UCK2: variants seen among roughly 807,000 people sequenced by gnomAD.
UCK2 encodes cytidine monophosphokinase 2.
UCK2 carries 6 observed loss-of-function variants against 30.8 expected under a neutral mutation model. The ratio of observed to expected loss-of-function variants is 0.19; its 90% CI spans 0.11 to 0.38. The LOEUF (loss-of-function observed/expected upper bound fraction) is 0.38, where lower values mean the gene tolerates loss of function less well. Ranked by LOEUF, UCK2 falls within the 10% of genes least tolerant of loss-of-function variation. UCK2 has a pLI of 1.00. For missense variants in UCK2, 210 were observed against 339.8 expected (o/e 0.62, Z 3.00); for synonymous variants, 125 against 133.6 (o/e 0.94, Z 0.45).
chr1:165,885,930 A>G (rs1655603141), intron 1 of UCK2, among the ~76,000 whole-genome samples: 1 of 152,226 alleles, frequency 6.6e-6, no homozygotes, highest in African/African-American at 2.4e-5. Context: ...AAAATTTACC[A>G]TCGTAACCGT....
At chr1:165,851,952 A>G (rs1419894121) in intron 1 of UCK2, among the ~76,000 whole-genome samples, 1 of 152,196 alleles carries the variant, frequency 6.6e-6, no homozygotes, top group Non-Finnish European at 1.5e-5. Context: ...CATGGAGTAT[A>G]TGTACTACAT....
intron 1 of UCK2, among the ~76,000 whole-genome samples, chr1:165,870,313 C>T (rs2101870229): frequency 6.6e-6 from 1 of 150,884 alleles, no homozygotes; most frequent in African/African-American, 2.4e-5. Context: ...GTTTTTGAGC[C>T]TCAGTGTCTG....
At chr1:165,866,220 T>G (rs1245616641) in intron 1 of UCK2, among the ~76,000 whole-genome samples, 1 of 152,216 alleles carries the variant, frequency 6.6e-6, no homozygotes, top group Non-Finnish European at 1.5e-5. Flanking sequence ...TGCAAGCTAT[T>G]GATTTTTTTT....
At chr1:165,881,462 G>A (rs1343825753) in intron 1 of UCK2, among the ~76,000 whole-genome samples, 1 of 152,146 alleles carries the variant, frequency 6.6e-6, no homozygotes, top group Non-Finnish European at 1.5e-5. Context: ...TTACTCTACT[G>A]TGTGGTGGCG....
intron 5 of UCK2, among the ~76,000 whole-genome samples, chr1:165,905,299 A>G (rs1459097470): frequency 6.6e-6 from 1 of 152,154 alleles, no homozygotes; most frequent in Non-Finnish European, 1.5e-5. Context: ...CCTGGGCAAC[A>G]TGGCGATACC....
chr1:165,844,828 G>T (rs1219473468), intron 1 of UCK2, among the ~76,000 whole-genome samples: 1 of 152,154 alleles, frequency 6.6e-6, no homozygotes, highest in Non-Finnish European at 1.5e-5. Context: ...TTCCTGGAGG[G>T]TGACTGCCTC....
intron 1 of UCK2, among the ~76,000 whole-genome samples, chr1:165,831,287 G>A (rs1282293809): frequency 6.6e-6 from 1 of 152,154 alleles, no homozygotes; most frequent in Admixed American, 6.5e-5. Context: ...AGGAGGCTGA[G>A]GCAGGAGGAT....
At position 165,908,982 on chromosome 1, in the gene UCK2, A is replaced by T. The variant is rs1445766503; in HGVS notation, c.*1159A>T. Reference sequence around the variant, plus strand: ...GATTCTCACTAGCAGCGTCATGGCCAGGATGCTTTACTTATTTGCAATACC... The same window carrying T: ...GATTCTCACTAGCAGCGTCATGGCCTGGATGCTTTACTTATTTGCAATACC... On this transcript the variant is annotated 3_prime_UTR_variant, in exon 7 of 7. Coordinates refer to ENST00000367879, the MANE Select transcript of UCK2 (RefSeq NM_012474.5). The T allele has an allele frequency of 1.3e-5, 2 of 152,240 alleles. No homozygotes were observed. The highest frequency in any genetic ancestry group is 2.9e-5 in the Non-Finnish European group (2 of 68,044). The allele number at this position is 152,240 out of a possible 1,614,324, so 9.4% of individuals were successfully genotyped here. A position where few individuals can be genotyped will look rare whatever the true frequency, so the allele number is the denominator to read the frequency against.
intron 1 of UCK2, among the ~76,000 whole-genome samples, chr1:165,849,890 G>T (rs771340170): frequency 3.9e-5 from 6 of 152,088 alleles, no homozygotes; most frequent in Non-Finnish European, 8.8e-5. Context: ...TCTTAAACAG[G>T]TTTTGCTGAG....
intron 1 of UCK2, among the ~76,000 whole-genome samples, chr1:165,842,846 T>C (rs1018394534): frequency 6.6e-6 from 1 of 152,222 alleles, no homozygotes; most frequent in African/African-American, 2.4e-5. Flanking sequence ...CCAGCCTTGC[T>C]TCCTGTCACT....
chr1:165,867,165 A>G (rs1655068122), intron 1 of UCK2, among the ~76,000 whole-genome samples: 1 of 152,246 alleles, frequency 6.6e-6, no homozygotes, highest in South Asian at 2.1e-4. Flanking sequence ...CTTTATTACT[A>G]AAAATCGTAG....
At chr1:165,875,557 G>T (rs1019473740) in intron 1 of UCK2, among the ~76,000 whole-genome samples, 2 of 152,094 alleles carry the variant, frequency 1.3e-5, no homozygotes, top group African/African-American at 4.8e-5. Flanking sequence ...CTCTAAAACT[G>T]CCCCTGCCCC....
intron 1 of UCK2, among the ~76,000 whole-genome samples, chr1:165,880,584 T>G (rs372694157): frequency 0.42 from 48,415 of 116,498 alleles, 8,217 homozygotes; most frequent in Non-Finnish European, 0.49. Flanking sequence ...TGTGTGTGTG[T>G]GTGTGTGTGT....
Position 165,893,791 on chromosome 1 carries a change from C to A in UCK2, c.357-2399C>A, listed in dbSNP as rs553990099. 8.5e-5 allele frequency among the ~76,000 whole-genome samples: 13 copies of A among 152,264 alleles called. No homozygotes were observed. In the East Asian group the frequency reaches 2.5e-3, roughly 29 times the overall value. ...CTGAGCTGTTATGACAGTTTTTAGA[C>A]CTGCGTTTGGACTTGGGAAATGATT... On this transcript the variant is annotated intron_variant, in intron 3 of 6. Transcript: ENST00000367879.
At chr1:165,854,886 A>G (rs1654691529) in intron 1 of UCK2, among the ~76,000 whole-genome samples, 1 of 152,212 alleles carries the variant, frequency 6.6e-6, no homozygotes, top group African/African-American at 2.4e-5. Flanking sequence ...CAACTCGTAC[A>G]GAACCCTACT....
At chr1:165,856,930 A>G (rs1050319853) in intron 1 of UCK2, among the ~76,000 whole-genome samples, 2 of 143,230 alleles carry the variant, frequency 1.4e-5, no homozygotes, top group African/African-American at 5.1e-5. Flanking sequence ...TACTTTTGCG[A>G]ACATGTTGAC....
In UCK2 at chr1:165,891,296, C is replaced by T. The variant is rs145861792; in HGVS notation, c.330C>T (p.Pro110=). ...CTGAAGGGAAAACAGTCCAGATCCCCGTGTATGACTTTGTCTCCCATTCCC... is the reference window on the plus strand; with the variant it reads ...CTGAAGGGAAAACAGTCCAGATCCCTGTGTATGACTTTGTCTCCCATTCCC... ...EITEGKTVQI[P]VYDFVSHSRK... The change falls in exon 3 of 7, where the codon CCC becomes CCT. Residue 110 remains proline, a synonymous_variant. Coordinates refer to ENST00000367879, the MANE Select transcript of UCK2 (RefSeq NM_012474.5). 263 of 1,614,070 alleles carry T rather than the reference C, an allele frequency of 1.6e-4. No homozygotes were observed. Among genetic ancestry groups the T allele is most frequent in the Non-Finnish European group, 2.1e-4 (243 of 1,180,016 alleles).
intron 1 of UCK2, among the ~76,000 whole-genome samples, chr1:165,860,546 TC>T (rs1654868685): frequency 6.6e-6 from 1 of 152,010 alleles, no homozygotes; most frequent in South Asian, 2.1e-4. Flanking sequence ...CCTCCCAGGC[TC>T]AGGTGATTCT....
At chr1:165,906,523 C>T (rs1185115941) in intron 6 of UCK2, among the ~76,000 whole-genome samples, 1 of 152,198 alleles carries the variant, frequency 6.6e-6, no homozygotes, top group Non-Finnish European at 1.5e-5. Flanking sequence ...TGCACCACCA[C>T]GGTCCACTAA....
Sources: allele counts gnomAD v4.1 joint callset (sites outside exome capture counted in the v4.1 genomes callset), GRCh38; gene constraint gnomAD v4.1.1; transcripts MANE v1.5; gene names NCBI Gene and HGNC (gene_info 2026-07-23, HGNC 2026-07-21).